Variants in MAP4K2 observed in about 807,000 individuals in gnomAD.
The protein encoded by MAP4K2 is mitogen-activated protein kinase kinase kinase kinase 2, also known as B lymphocyte serine/threonine protein kinase.
MAP4K2 carries 85 observed loss-of-function variants against 125.3 expected under a neutral mutation model. The ratio of observed to expected loss-of-function variants is 0.68; its 90% CI spans 0.57 to 0.81. The LOEUF is 0.81. Ranked by LOEUF, MAP4K2 falls within the 40% of genes least tolerant of loss-of-function variation. The pLI is 0.00. For missense variants in MAP4K2, 923 were observed against 1,056.4 expected (o/e 0.87, Z 1.75); for synonymous variants, 479 against 445.1 (o/e 1.08, Z -0.96).
chr11:64,801,570 G>A lies in MAP4K2; in HGVS notation c.457+9C>T. ...GCCCTCACCCTGATGGTGTCCCCAGGGTACTGACCCAGTTTGACATCTCCC... is the reference window on the plus strand; with the variant it reads ...GCCCTCACCCTGATGGTGTCCCCAGAGTACTGACCCAGTTTGACATCTCCC... On this transcript the variant is annotated intron_variant, in intron 7 of 31. Coordinates refer to ENST00000294066, the MANE Select transcript of MAP4K2 (RefSeq NM_004579.5). 6.2e-7 allele frequency: 1 copy of A among 1,613,926 alleles called. No homozygotes were observed. The highest frequency in any genetic ancestry group is 8.5e-7 in the Non-Finnish European group (1 of 1,179,920).
chr11:64,795,691 C>T (rs532309640), intron 24 of MAP4K2, among the ~76,000 whole-genome samples: 6 of 152,326 alleles, frequency 3.9e-5, no homozygotes, highest in East Asian at 1.9e-4. Flanking sequence ...CGTGAGCCCC[C>T]CCGCCCAGAC....
In MAP4K2 at chr11:64,792,963, T is replaced by C. The variant is rs1429817427; in HGVS notation, c.1752-541A>G. ...CAGGTGCAACGGCTCACGCCTGTAA[T>C]CCCAGCACTCTGGGAGGTCGAGGTA... On this transcript the variant is annotated intron_variant, in intron 24 of 31. Transcript: ENST00000294066. Among the ~76,000 whole-genome samples, 6 of 152,322 alleles carry C rather than the reference T, an allele frequency of 3.9e-5. 1 individual carries two copies. Among genetic ancestry groups the C allele is most frequent in the Admixed American group, 3.9e-4 (6 of 15,302 alleles).
intron 10 of MAP4K2, 25 bp from the exon 11 acceptor site, chr11:64,800,417 C>T (rs779510090): frequency 1.2e-6 from 2 of 1,611,830 alleles, no homozygotes; most frequent in African/African-American, 1.3e-5. Context: ...AGCCCCCCAG[C>T]GCCAGATCCA....
chr11:64,803,066 G>C lies in MAP4K2; in HGVS notation c.84C>G (p.Gly28=). The change falls in exon 1 of 32, where the codon GGC becomes GGG. Residue 28 remains glycine (G), a synonymous_variant. Coordinates refer to ENST00000294066, the MANE Select transcript of MAP4K2 (RefSeq NM_004579.5). The part of the protein sequence containing the change: ...LLQRVGAGTY[G]DVYKARDTVT... ...CGTCCCGTCGCACCTTGTAGACGTC[G>C]CCATAGGTCCCGGCCCCCACGCGCT... 1 of 1,604,018 alleles carries C rather than the reference G, an allele frequency of 6.2e-7. No homozygotes were observed. The highest frequency in any genetic ancestry group is 1.3e-5 in the African/African-American group (1 of 74,610).
At position 64,785,249 on chromosome 11, in the gene MAP4K2, G is replaced by A. The variant is rs1034386634; in HGVS notation, c.*4288C>T. 1 of 152,248 alleles carries A rather than the reference G, an allele frequency of 6.6e-6. No individual in the cohort carries two copies. The highest frequency in any genetic ancestry group is 2.4e-5 in the African/African-American group (1 of 41,456). The allele number at this position is 152,248 out of a possible 1,614,324, so 9.4% of individuals were successfully genotyped here. The stretch of plus-strand genomic sequence containing the variant: ...AAGCAGGAGGGTGGGCTTACCAAGG[G>A]CATGGGAAACTTTCCAGAGTGAAGG... On this transcript the variant is annotated 3_prime_UTR_variant, in exon 32 of 32. Coordinates refer to ENST00000294066, the MANE Select transcript of MAP4K2 (RefSeq NM_004579.5).
At position 64,800,820 on chromosome 11, in the gene MAP4K2, C is replaced by T; in HGVS notation, c.669G>A (p.Leu223=). 6.2e-7 allele frequency: 1 copy of T among 1,612,570 alleles called. No individual in the cohort carries two copies. Among genetic ancestry groups the T allele is most frequent in the Non-Finnish European group, 8.5e-7 (1 of 1,179,426 alleles). Residue 223 remains leucine (L), a synonymous_variant, in exon 10 of 32, where the codon CTG becomes CTA. Coordinates refer to ENST00000294066, the MANE Select transcript of MAP4K2 (RefSeq NM_004579.5). The part of the protein sequence containing the change: ...PLFHLHPMRA[L]MLMSKSSFQP... ...GGAAGCTGCTCTTCGACATGAGCATCAGGGCCCTGTGGAGGGCGCGAGGTC... is the reference window on the plus strand; with the variant it reads ...GGAAGCTGCTCTTCGACATGAGCATTAGGGCCCTGTGGAGGGCGCGAGGTC...
At position 64,790,213 on chromosome 11, in the gene MAP4K2, G is replaced by C; in HGVS notation, c.2223C>G (p.Thr741=). The change falls in exon 29 of 32, where the codon ACC becomes ACG. Residue 741 remains threonine, a synonymous_variant. Coordinates refer to ENST00000294066, the MANE Select transcript of MAP4K2 (RefSeq NM_004579.5). Reference sequence around the variant, plus strand: ...CCACAGTCTCGATGGGGAAATCAAAGGTCAGCTCAGGTGCCAGTGTGGCCG... The same window carrying C: ...CCACAGTCTCGATGGGGAAATCAAACGTCAGCTCAGGTGCCAGTGTGGCCG... The part of the protein sequence containing the change: ...EPTATLAPEL[T]FDFPIETVVC... The C allele has an allele frequency of 6.2e-7, 1 of 1,614,192 alleles. No individual in the cohort carries two copies. The highest frequency in any genetic ancestry group is 8.5e-7 in the Non-Finnish European group (1 of 1,180,024).
At position 64,797,867 on chromosome 11, in the gene MAP4K2, G is replaced by A. The variant is rs566113565; in HGVS notation, c.1098-203C>T. Among the ~76,000 whole-genome samples the A allele has an allele frequency of 1.2e-4, 18 of 151,530 alleles. No individual in the cohort carries two copies. The South Asian group carries it at 1.3e-3, about 11-fold the overall frequency. ...ACTACAGGCGCCCGCCACCGCACCC[G>A]GCTAATTTTTTGTATTTTTAGTACA... On this transcript the variant is annotated intron_variant, in intron 15 of 31. Transcript: ENST00000294066.
chr11:64,796,745 A>T, intron 21 of MAP4K2, 32 bp from the exon 22 acceptor site: 1 of 1,613,682 alleles, frequency 6.2e-7, no homozygotes, highest in South Asian at 1.1e-5. Context: ...CAGAGGTCAG[A>T]CATGGCCCCT....
chr11:64,797,423 C>T (rs958389620), intron 17 of MAP4K2, 43 bp from the exon 18 acceptor site: 1 of 1,558,096 alleles, frequency 6.4e-7, no homozygotes, highest in Non-Finnish European at 8.7e-7. Context: ...TACCAGGTTG[C>T]CCTGTAACCA....
chr11:64,790,488 C>G, intron 27 of MAP4K2, 26 bp from the exon 28 acceptor site: 1 of 1,609,928 alleles, frequency 6.2e-7, no homozygotes, highest in Non-Finnish European at 8.5e-7. Context: ...AGAGACATGG[C>G]CTGGCTGAGC....
chr11:64,794,682 C>T (rs1940687137), intron 24 of MAP4K2, among the ~76,000 whole-genome samples: 1 of 152,156 alleles, frequency 6.6e-6, no homozygotes, highest in Middle Eastern at 3.4e-3. Context: ...TAACAGCTCC[C>T]CAGCTCACCA....
At chr11:64,798,599 T>C (rs1940971247) in intron 15 of MAP4K2, among the ~76,000 whole-genome samples, 195 bp downstream of exon 15, 1 of 148,766 alleles carries the variant, frequency 6.7e-6, no homozygotes, top group Non-Finnish European at 1.5e-5. Flanking sequence ...CCGCCCAGCC[T>C]AATTTTTGTA....
chr11:64,800,505 G>A (rs1176552827), intron 10 of MAP4K2, 113 bp from the exon 11 acceptor site: 6 of 1,264,974 alleles, frequency 4.7e-6, no homozygotes, highest in African/African-American at 1.5e-5. Flanking sequence ...ACCCAGGAAG[G>A]AGCCAGCCGA....
At position 64,796,996 on chromosome 11, in the gene MAP4K2, T is replaced by G. The variant is rs998574679; in HGVS notation, c.1393A>C (p.Thr465Pro). ...CAAACACTTACATGCACCTTGGGAG[T>G]TGGGGGGAGCCCGTGGCAGGATGAC... ...ERSSCHGLPPTPKVHMGACFS... is the reference protein window; with the variant it reads ...ERSSCHGLPPPPKVHMGACFS... The change falls in exon 20 of 32, where the codon ACT becomes CCT. Residue 465 changes from threonine to proline, a missense_variant. Physicochemically the swap from Thr to Pro is conservative, Grantham distance 38. This residue lies in a region of MAP4K2 where 833 missense variants were observed against 911.4 expected (regional missense o/e 0.91). Transcript: ENST00000294066. 6.2e-7 allele frequency: 1 copy of G among 1,613,594 alleles called. No homozygotes were observed. The highest frequency in any genetic ancestry group is 8.5e-7 in the Non-Finnish European group (1 of 1,179,870).
chr11:64,798,432 G>A (rs1940960296), intron 15 of MAP4K2, among the ~76,000 whole-genome samples: 1 of 152,218 alleles, frequency 6.6e-6, no homozygotes, highest in South Asian at 2.1e-4. Flanking sequence ...CCAAAGTGCT[G>A]GGATTACAGG....
rs1214867484 is a variant in MAP4K2, at chr11:64,799,593, C to A, written c.994+12G>T. On this transcript the variant is annotated intron_variant, in intron 13 of 31. Transcript: ENST00000294066. ...AAAATCTGCACACACACAGCCCCTG[C>A]TGCAGACTCACACTGGATCTCCGAG... The A allele has an allele frequency of 2.5e-6, 4 of 1,613,834 alleles. No individual in the cohort carries two copies. The South Asian group carries it at 4.4e-5, about 18-fold the overall frequency.
rs1330575595 is a variant in MAP4K2, at chr11:64,801,145, C to T, written c.496G>A (p.Ala166Thr). The T allele has an allele frequency of 6.2e-7, 1 of 1,613,500 alleles. No homozygotes were observed. Among genetic ancestry groups the T allele is most frequent in the South Asian group, 1.1e-5 (1 of 91,086 alleles). ...GTCCCAATGAAAGACCTCCTCTTGG[C>T]CACAGACGCTGTCAGCTCGCCTGAC... ...GVSGELTASV[A>T]KRRSFIGTPY... Residue 166 changes from alanine (A) to threonine (T), a missense_variant, in exon 8 of 32, where the codon GCC (alanine) becomes ACC (threonine). This residue lies in a region of MAP4K2 where 833 missense variants were observed against 911.4 expected (regional missense o/e 0.91). Coordinates refer to ENST00000294066, the MANE Select transcript of MAP4K2 (RefSeq NM_004579.5).
At position 64,796,995 on chromosome 11, in the gene MAP4K2, G is replaced by A; in HGVS notation, c.1394C>T (p.Thr465Ile). The A allele has an allele frequency of 6.2e-7, 1 of 1,613,974 alleles. No individual in the cohort carries two copies. The highest frequency in any genetic ancestry group is 8.5e-7 in the Non-Finnish European group (1 of 1,179,970). Residue 465 changes from threonine (T) to isoleucine (I), a missense_variant, in exon 20 of 32, where the codon ACT becomes ATT. Thr to Ile is a moderately conservative substitution (Grantham distance 89). This residue lies in a region of MAP4K2 where 833 missense variants were observed against 911.4 expected (regional missense o/e 0.91). Transcript: ENST00000294066. ...ERSSCHGLPP[T>I]PKVHMGACFS... is the part of the protein sequence containing the mutation. ...GCAAACACTTACATGCACCTTGGGA[G>A]TTGGGGGGAGCCCGTGGCAGGATGA...
Sources: gnomAD v4.1 joint callset for allele counts (sites outside exome capture counted in the v4.1 genomes callset) on GRCh38, gnomAD v4.1.1 for gene constraint, gnomAD v4.1.1 regional missense constraint, MANE v1.5 for transcripts, NCBI Gene and HGNC (gene_info 2026-07-23, HGNC 2026-07-21) for gene names.